The following PRKAG2 variants were observed in gnomAD, a reference collection of about 807,000 sequenced individuals.
The protein encoded by PRKAG2 is protein kinase AMP-activated non-catalytic subunit gamma 2.
In PRKAG2, 26 loss-of-function variants were observed where a neutral mutation model predicts 69.6. That is an observed-to-expected ratio of 0.37 (90% CI 0.27 to 0.52). The LOEUF is 0.52. Among genes scored for constraint, PRKAG2 ranks in the 20% least tolerant of loss-of-function variants. The probability of loss-of-function intolerance (pLI) is 0.90; values close to 1 mark genes in which losing one functional copy is unlikely to be tolerated. For synonymous variants in PRKAG2, 293 were observed against 285.0 expected, an observed-to-expected ratio of 1.03 and a Z score of -0.28; for missense variants, 557 against 740.0, an observed-to-expected ratio of 0.75 and a Z score of 2.87.
At chr7:151,669,852 A>C (rs1831602694) in intron 4 of PRKAG2, among the ~76,000 whole-genome samples, 1 of 20,092 alleles carries the variant, frequency 5.0e-5, no homozygotes, top group African/African-American at 2.1e-4. Flanking sequence ...CTGTGCACAC[A>C]CCTGCATGCA....
intron 4 of PRKAG2, among the ~76,000 whole-genome samples, chr7:151,652,893 A>G (rs976582978): frequency 6.6e-6 from 1 of 152,162 alleles, no homozygotes; most frequent in Non-Finnish European, 1.5e-5. Context: ...TGTCAGGATT[A>G]CAGATGGAAG....
At chr7:151,870,213 C>T (rs1035519114) in intron 1 of PRKAG2, among the ~76,000 whole-genome samples, 1 of 151,256 alleles carries the variant, frequency 6.6e-6, no homozygotes, top group South Asian at 2.1e-4. Context: ...AGAGGAATAA[C>T]TCATGGGGGC....
At chr7:151,615,896 T>G (rs548268159) in intron 5 of PRKAG2, among the ~76,000 whole-genome samples, 1 of 152,302 alleles carries the variant, frequency 6.6e-6, no homozygotes, top group East Asian at 1.9e-4. Context: ...TCAACACCAC[T>G]GGGAACTCTG....
intron 3 of PRKAG2, chr7:151,735,907 G>A: frequency 6.5e-7 from 1 of 1,536,312 alleles, no homozygotes; most frequent in Admixed American, 2.0e-5. Flanking sequence ...TACCGAAAAG[G>A]CCATGAGGCT....
intron 1 of PRKAG2, among the ~76,000 whole-genome samples, chr7:151,800,357 CAAA>C (rs398048179): frequency 1.7e-4 from 18 of 104,170 alleles, no homozygotes; most frequent in Non-Finnish European, 2.2e-4. Context: ...GACTCTGTCT[CAAA>C]AAAAAAAAAA....
Position 151,686,202 on chromosome 7 carries a change from G to A in PRKAG2, c.467-10565C>T, listed in dbSNP as rs552964720. ...AGGACCGGAAGATCCTGACCGATGGGGCCAGGAGGAGCCTGGGGATGTGAG... is the reference window on the plus strand; with the variant it reads ...AGGACCGGAAGATCCTGACCGATGGAGCCAGGAGGAGCCTGGGGATGTGAG... On this transcript the variant is annotated intron_variant, in intron 3 of 15. Transcript: ENST00000287878. Among the ~76,000 whole-genome samples the A allele has an allele frequency of 5.5e-4, 83 of 152,278 alleles. 1 individual carries two copies. The highest frequency in any genetic ancestry group is 1.9e-3 in the East Asian group (10 of 5,174).
intron 1 of PRKAG2, among the ~76,000 whole-genome samples, chr7:151,834,511 T>G (rs75697045): frequency 0.55 from 83,354 of 151,586 alleles, 23,051 homozygotes; most frequent in Middle Eastern, 0.61. Context: ...TCTGTTTAAA[T>G]AAAGGCACGG....
chr7:151,790,215 G>A (rs1335408261), intron 1 of PRKAG2, among the ~76,000 whole-genome samples: 2 of 152,090 alleles, frequency 1.3e-5, no homozygotes, highest in African/African-American at 4.8e-5. Flanking sequence ...TCCTTCCTCT[G>A]AGCTCTCTTT....
chr7:151,767,864 A>G lies in PRKAG2; in HGVS notation c.466+13288T>C, dbSNP rs142025915. On this transcript the variant is annotated intron_variant, in intron 3 of 15. Coordinates refer to ENST00000287878, the MANE Select transcript of PRKAG2 (RefSeq NM_016203.4). Reference sequence around the variant, plus strand: ...AGCTCTGGTTCCTCTTATTCTGATTATGGAGCCAGAGTTAAGTGCTGCTGC... The same window carrying G: ...AGCTCTGGTTCCTCTTATTCTGATTGTGGAGCCAGAGTTAAGTGCTGCTGC... 7.7e-3 allele frequency among the ~76,000 whole-genome samples: 1,172 copies of G among 152,320 alleles called. 11 individuals are homozygous for G. The highest frequency in any genetic ancestry group is 0.027 in the African/African-American group (1,125 of 41,564).
Position 151,692,319 on chromosome 7 carries a change from C to T in PRKAG2, c.467-16682G>A, listed in dbSNP as rs1835787753. Among the ~76,000 whole-genome samples, 3 of 152,216 alleles carry T rather than the reference C, an allele frequency of 2.0e-5. No individual in the cohort carries two copies. In the South Asian group the frequency reaches 6.2e-4, roughly 32 times the overall value. Reference sequence around the variant, plus strand: ...CAACACAATGAATTAATCTCAAATGCATTTTTCTAAGTGAAGGAAGCCAGG... The same window carrying T: ...CAACACAATGAATTAATCTCAAATGTATTTTTCTAAGTGAAGGAAGCCAGG... On this transcript the variant is annotated intron_variant, in intron 3 of 15. Coordinates refer to ENST00000287878, the MANE Select transcript of PRKAG2 (RefSeq NM_016203.4).
intron 1 of PRKAG2, among the ~76,000 whole-genome samples, chr7:151,865,898 TAGACCC>T (rs1198181820): frequency 2.6e-5 from 4 of 151,284 alleles, no homozygotes; most frequent in Admixed American, 6.6e-5. Context: ...CGGGCGCCCG[TAGACCC>T]AGCTACTCGG....
At chr7:151,840,067 G>A (rs962030096) in intron 1 of PRKAG2, among the ~76,000 whole-genome samples, 2 of 152,214 alleles carry the variant, frequency 1.3e-5, no homozygotes, top group East Asian at 3.8e-4. Context: ...TTTGTACCCT[G>A]AGTGTGTGCG....
intron 3 of PRKAG2, among the ~76,000 whole-genome samples, chr7:151,715,082 C>T (rs1325030993): frequency 2.0e-5 from 3 of 146,724 alleles, no homozygotes; most frequent in African/African-American, 2.5e-5. Flanking sequence ...CTGGTGTGAT[C>T]CCGACTCACT....
chr7:151,750,707 A>C (rs540838005), intron 3 of PRKAG2, among the ~76,000 whole-genome samples: 121 of 152,130 alleles, frequency 8.0e-4, no homozygotes, highest in African/African-American at 2.7e-3. Flanking sequence ...GTGACTACTG[A>C]GTTATATACT....
intron 1 of PRKAG2, among the ~76,000 whole-genome samples, chr7:151,829,188 C>T (rs1230290664): frequency 6.6e-6 from 1 of 152,166 alleles, no homozygotes; most frequent in African/African-American, 2.4e-5. Flanking sequence ...AAAAAGACAA[C>T]CCAATTTAAA....
At chr7:151,573,564 C>T (rs1808206370) in intron 8 of PRKAG2, among the ~76,000 whole-genome samples, 2 of 151,924 alleles carry the variant, frequency 1.3e-5, no homozygotes, top group African/African-American at 2.4e-5. Context: ...TATTCTACTG[C>T]TAAGATTTCT....
Position 151,784,331 on chromosome 7 carries a change from G to A in PRKAG2, c.186+2139C>T, listed in dbSNP as rs997314965. On this transcript the variant is annotated intron_variant, in intron 2 of 15. Coordinates refer to ENST00000287878, the MANE Select transcript of PRKAG2 (RefSeq NM_016203.4). ...TGCTGGGGAGCCGGGGGAGAGGGCC[G>A]AGCCAATGCAAATGTCCAGTCCTAC... Among the ~76,000 whole-genome samples, 6 of 152,280 alleles carry A rather than the reference G, an allele frequency of 3.9e-5. No individual in the cohort carries two copies. The East Asian group carries it at 1.2e-3, about 29-fold the overall frequency.
At chr7:151,750,811 G>A (rs1490177086) in intron 3 of PRKAG2, among the ~76,000 whole-genome samples, 1 of 151,732 alleles carries the variant, frequency 6.6e-6, no homozygotes, top group African/African-American at 2.4e-5. Flanking sequence ...GGCCCAGGAG[G>A]CAGAGGTTGC....
chr7:151,855,303 T>C (rs1456396526), intron 1 of PRKAG2, among the ~76,000 whole-genome samples: 6 of 12,416 alleles, frequency 4.8e-4, no homozygotes, highest in African/African-American at 9.7e-4. Flanking sequence ...CACACCACCC[T>C]CCACACACAC....
Sources: gnomAD v4.1 joint callset for allele counts (sites outside exome capture counted in the v4.1 genomes callset) on GRCh38, gnomAD v4.1.1 for gene constraint, MANE v1.5 for transcripts, NCBI Gene and HGNC (gene_info 2026-07-23, HGNC 2026-07-21) for gene names.